Variants in CTNNA3 observed in about 807,000 individuals in gnomAD.
CTNNA3 encodes catenin alpha-3.
Under a neutral mutation model 95.7 loss-of-function variants are expected in CTNNA3, and 76 were observed. That is an observed-to-expected ratio of 0.79 (90% CI 0.66 to 0.96). The LOEUF (loss-of-function observed/expected upper bound fraction) is 0.96, where lower values mean the gene tolerates loss of function less well. CTNNA3 is among the 40% of genes least tolerant of loss of function. The pLI is 0.00. For synonymous variants in CTNNA3, 431 were observed against 374.4 expected, an observed-to-expected ratio of 1.15 and a Z score of -1.74; for missense variants, 1,191 against 1,089.8, an observed-to-expected ratio of 1.09 and a Z score of -1.31.
At chr10:66,971,694 T>C (rs2132829353) in intron 7 of CTNNA3, among the ~76,000 whole-genome samples, 1 of 152,232 alleles carries the variant, frequency 6.6e-6, no homozygotes, top group Admixed American at 6.5e-5. Flanking sequence ...GGTAAGGGTA[T>C]AAACCACTCC....
intron 15 of CTNNA3, among the ~76,000 whole-genome samples, chr10:66,012,620 T>C (rs989911675): frequency 1.3e-5 from 2 of 152,184 alleles, no homozygotes; most frequent in African/African-American, 2.4e-5. Flanking sequence ...CAATCACAAA[T>C]GCCTTTGACC....
At chr10:66,225,390 AATATAT>A (rs3053735) in intron 13 of CTNNA3, among the ~76,000 whole-genome samples, 14,634 of 125,886 alleles carry the variant, frequency 0.12, 838 homozygotes, top group Middle Eastern at 0.18. Flanking sequence ...ATTTTATTCA[AATATAT>A]ATATATATAT....
At chr10:67,267,514 G>A (rs1377432537) in intron 5 of CTNNA3, among the ~76,000 whole-genome samples, 2 of 152,062 alleles carry the variant, frequency 1.3e-5, no homozygotes, top group East Asian at 1.9e-4. Context: ...ACAGGTGCCT[G>A]CCACCATGCC....
chr10:66,854,094 A>C (rs1203878855), intron 7 of CTNNA3, among the ~76,000 whole-genome samples: 1 of 152,090 alleles, frequency 6.6e-6, no homozygotes, highest in Non-Finnish European at 1.5e-5. Flanking sequence ...CTCATTTCTT[A>C]TTTATTGGTC....
intron 10 of CTNNA3, among the ~76,000 whole-genome samples, chr10:66,544,846 T>C (rs1199888173): frequency 6.6e-6 from 1 of 152,144 alleles, no homozygotes; most frequent in Admixed American, 6.5e-5. Flanking sequence ...GCATATTGTG[T>C]ACTTTTCATT....
chr10:66,266,250 A>G (rs368523235), intron 13 of CTNNA3, among the ~76,000 whole-genome samples: 2 of 151,932 alleles, frequency 1.3e-5, no homozygotes, highest in Non-Finnish European at 1.5e-5. Context: ...CCATGTAACA[A>G]TGCATCAAAG....
intron 3 of CTNNA3, among the ~76,000 whole-genome samples, chr10:67,551,379 C>T (rs1460923525): frequency 2.0e-5 from 3 of 152,044 alleles, no homozygotes; most frequent in African/African-American, 7.3e-5. Flanking sequence ...TAGGGGAAAC[C>T]ATCTCCTTTC....
At chr10:66,864,570 A>G (rs1844086393) in intron 7 of CTNNA3, among the ~76,000 whole-genome samples, 1 of 152,332 alleles carries the variant, frequency 6.6e-6, no homozygotes, top group South Asian at 2.1e-4. Context: ...TAAAGAAATT[A>G]TTCTGATAAT....
chr10:66,432,397 G>C (rs538667147), intron 11 of CTNNA3, among the ~76,000 whole-genome samples: 1 of 152,046 alleles, frequency 6.6e-6, no homozygotes, highest in Non-Finnish European at 1.5e-5. Context: ...GGTGGCTCAC[G>C]CCTGTAATCC....
chr10:66,468,442 T>C (rs1839007343), intron 11 of CTNNA3, among the ~76,000 whole-genome samples: 1 of 151,880 alleles, frequency 6.6e-6, no homozygotes, highest in African/African-American at 2.4e-5. Context: ...TGTACATCAA[T>C]ATAAAATTTA....
intron 7 of CTNNA3, among the ~76,000 whole-genome samples, chr10:66,778,102 C>T (rs1387047086): frequency 1.3e-5 from 2 of 152,014 alleles, no homozygotes; most frequent in African/African-American, 4.8e-5. Context: ...ATAAACAGTC[C>T]CTATCATGAC....
chr10:66,763,325 C>A (rs1411397061), intron 9 of CTNNA3, among the ~76,000 whole-genome samples: 2 of 111,370 alleles, frequency 1.8e-5, no homozygotes, highest in African/African-American at 7.3e-5. Context: ...CACACACACA[C>A]ACACACACAC....
At position 66,845,721 on chromosome 10, in the gene CTNNA3, A is replaced by C. The variant is rs1405447185; in HGVS notation, c.1048-70197T>G. ...TCTGTCTCAAAAAAAAAAAAAAAAA[A>C]AAAAAAAACTAAAAAGGTGAGATAT... On this transcript the variant is annotated intron_variant, in intron 7 of 17. Coordinates refer to ENST00000433211, the MANE Select transcript of CTNNA3 (RefSeq NM_013266.4). Among the ~76,000 whole-genome samples, 13 of 130,942 alleles carry C rather than the reference A, an allele frequency of 9.9e-5. 1 individual carries two copies. In the East Asian group the frequency reaches 1.1e-3, roughly 11 times the overall value. 85.9% of individuals were successfully genotyped at this position (130,942 alleles called of 152,430 possible). A position where few individuals can be genotyped will look rare whatever the true frequency, so the allele number is the denominator to read the frequency against.
chr10:66,049,211 G>A (rs925964782), intron 15 of CTNNA3, among the ~76,000 whole-genome samples: 2 of 152,164 alleles, frequency 1.3e-5, no homozygotes, highest in Non-Finnish European at 2.9e-5. Context: ...GATCATTAGA[G>A]AAATGCAAAT....
intron 9 of CTNNA3, among the ~76,000 whole-genome samples, chr10:66,713,554 T>C (rs562111242): frequency 6.6e-6 from 1 of 152,072 alleles, no homozygotes; most frequent in Non-Finnish European, 1.5e-5. Flanking sequence ...GGTTCCCTAC[T>C]AATAGATTAT....
At chr10:66,943,555 T>G (rs1848130752) in intron 7 of CTNNA3, among the ~76,000 whole-genome samples, 1 of 151,982 alleles carries the variant, frequency 6.6e-6, no homozygotes, top group African/African-American at 2.4e-5. Flanking sequence ...TGGCTTCCAG[T>G]TAACACTAAG....
rs16924455 is a variant in CTNNA3 at position 67,421,454 on chromosome 10, T to G, written c.579+100388A>C. 0.026 allele frequency among the ~76,000 whole-genome samples: 4,008 copies of G among 152,258 alleles called. 378 individuals are homozygous for G. In the East Asian group the frequency reaches 0.34, roughly 13 times the overall value. On this transcript the variant is annotated intron_variant, in intron 5 of 17. Coordinates refer to ENST00000433211, the MANE Select transcript of CTNNA3 (RefSeq NM_013266.4). ...TGCTCTAACATCCTCATAGATTGTA[T>G]GTACAAGTAAACATGTCTCAGGTAG...
chr10:66,329,399 A>C (rs1364699036), intron 12 of CTNNA3, among the ~76,000 whole-genome samples: 2 of 152,032 alleles, frequency 1.3e-5, no homozygotes, highest in Non-Finnish European at 2.9e-5. Flanking sequence ...CTCAGCCAGA[A>C]GCACCCTTAC....
intron 3 of CTNNA3, among the ~76,000 whole-genome samples, chr10:67,585,836 T>G (rs1842607286): frequency 6.6e-6 from 1 of 152,124 alleles, no homozygotes; most frequent in Non-Finnish European, 1.5e-5. Flanking sequence ...AATTCTACTC[T>G]GATTTTTGTT....
Sources: allele counts gnomAD v4.1 joint callset (sites outside exome capture counted in the v4.1 genomes callset), GRCh38; gene constraint gnomAD v4.1.1; transcripts MANE v1.5; gene names NCBI Gene and HGNC (gene_info 2026-07-23, HGNC 2026-07-21).